Variants in TXNDC11 observed in about 807,000 individuals in gnomAD.
TXNDC11 encodes thioredoxin domain-containing protein 11.
TXNDC11 carries 68 observed loss-of-function variants against 78.0 expected under a neutral mutation model. The ratio of observed to expected loss-of-function variants is 0.87; its 90% confidence interval spans 0.72 to 1.07. The LOEUF (loss-of-function observed/expected upper bound fraction) is 1.07, where lower values mean the gene tolerates loss of function less well. Among genes scored for constraint, TXNDC11 ranks in the 50% least tolerant of loss-of-function variants. TXNDC11 has a pLI of 0.00. For missense variants in TXNDC11, 1,389 were observed against 1,221.8 expected (o/e 1.14, Z -2.04); for synonymous variants, 571 against 495.2 (o/e 1.15, Z -2.03).
intron 10 of TXNDC11, among the ~76,000 whole-genome samples, chr16:11,686,404 G>T (rs563333082): frequency 6.6e-6 from 1 of 152,202 alleles, no homozygotes; most frequent in Non-Finnish European, 1.5e-5. Context: ...CCTGGTGGAT[G>T]TAAACAATGC....
At chr16:11,710,777 T>C (rs771946931) in intron 5 of TXNDC11, among the ~76,000 whole-genome samples, 4 of 152,210 alleles carry the variant, frequency 2.6e-5, no homozygotes, top group Non-Finnish European at 5.9e-5. Context: ...ACTGTGCCAC[T>C]GCACTCTAGC....
At chr16:11,690,048 G>C (rs1222555730) in intron 8 of TXNDC11, 2 of 152,134 alleles carry the variant, frequency 1.3e-5, no homozygotes, top group Admixed American at 6.6e-5. Context: ...ATTTGAAAGA[G>C]GATGGCTAAA....
At chr16:11,705,991 G>C (rs906961808) in intron 5 of TXNDC11, among the ~76,000 whole-genome samples, 2 of 152,048 alleles carry the variant, frequency 1.3e-5, no homozygotes, top group African/African-American at 4.8e-5. Context: ...TAAAAGTAAT[G>C]AATTTTCAAT....
intron 3 of TXNDC11, among the ~76,000 whole-genome samples, chr16:11,733,483 C>T (rs894897526): frequency 6.6e-5 from 10 of 151,338 alleles, no homozygotes; most frequent in South Asian, 2.1e-4. Context: ...GCGGAGATCG[C>T]GCCACTGCAC....
intron 2 of TXNDC11, 79 bp downstream of exon 2, chr16:11,735,938 A>G (rs1270129540): frequency 1.4e-6 from 2 of 1,420,180 alleles, no homozygotes; most frequent in Non-Finnish European, 2.0e-6. Context: ...CCCGTTGGGC[A>G]AGGTGTCTCT....
chr16:11,729,000 AAATCAATC>A (rs57984104), intron 4 of TXNDC11, among the ~76,000 whole-genome samples: 46 of 151,918 alleles, frequency 3.0e-4, no homozygotes, highest in African/African-American at 9.0e-4. Context: ...GACCATCTCT[AAATCAATC>A]AATCAATCAA....
rs888804037 is a variant in TXNDC11 at position 11,715,168 on chromosome 16, C to T, written c.793+6409G>A. On this transcript the variant is annotated intron_variant, in intron 5 of 11. Transcript: ENST00000283033. Reference sequence around the variant, plus strand: ...TCGAGAAGCTGAGGCAGGAGAATTGCTTGAACCCGGGAGGCGGAGGTTGCA... The same window carrying T: ...TCGAGAAGCTGAGGCAGGAGAATTGTTTGAACCCGGGAGGCGGAGGTTGCA... Among the ~76,000 whole-genome samples the T allele has an allele frequency of 3.7e-4, 57 of 152,136 alleles. 2 individuals carry two copies. Among genetic ancestry groups the T allele is most frequent in the Non-Finnish European group, 2.9e-5 (2 of 68,020 alleles).
chr16:11,682,384 G>T (rs1164328251), intron 11 of TXNDC11, among the ~76,000 whole-genome samples: 2 of 152,234 alleles, frequency 1.3e-5, no homozygotes, highest in African/African-American at 2.4e-5. Context: ...GAAACGACAA[G>T]GGTAAGGGCC....
intron 5 of TXNDC11, among the ~76,000 whole-genome samples, chr16:11,717,746 C>T (rs1471237259): frequency 2.6e-5 from 4 of 151,022 alleles, no homozygotes; most frequent in South Asian, 2.1e-4. Context: ...ACCTGAACCT[C>T]GGAGGCAGAG....
intron 11 of TXNDC11, among the ~76,000 whole-genome samples, chr16:11,683,524 G>C (rs1175395339): frequency 1.3e-5 from 2 of 152,108 alleles, no homozygotes; most frequent in African/African-American, 2.4e-5. Context: ...ATTCTCTGCT[G>C]TTTTGCCCCA....
At chr16:11,710,617 A>T (rs889353808) in intron 5 of TXNDC11, among the ~76,000 whole-genome samples, 4 of 152,218 alleles carry the variant, frequency 2.6e-5, no homozygotes, top group African/African-American at 7.2e-5. Flanking sequence ...TGGGAGGCCA[A>T]GGTGGGTGGA....
At chr16:11,717,727 A>T (rs923242023) in intron 5 of TXNDC11, among the ~76,000 whole-genome samples, 1 of 151,100 alleles carries the variant, frequency 6.6e-6, no homozygotes, top group Non-Finnish European at 1.5e-5. Context: ...AGGCTGAGGC[A>T]GGAGAATCAC....
chr16:11,721,510 C>T (rs1389463024), intron 5 of TXNDC11, 67 bp downstream of exon 5: 3 of 808,348 alleles, frequency 3.7e-6, no homozygotes, highest in Non-Finnish European at 6.1e-6. Context: ...TTCATAATAA[C>T]ACATGGAAAA....
intron 5 of TXNDC11, among the ~76,000 whole-genome samples, chr16:11,703,509 T>TACACACACACAC (rs34963301): frequency 4.1e-5 from 6 of 144,938 alleles, no homozygotes; most frequent in Non-Finnish European, 3.0e-5. Context: ...AGGCTTTTGA[T>TACACACACACAC]ACACACACAC....
At chr16:11,696,623 C>T (rs1177524141) in intron 7 of TXNDC11, among the ~76,000 whole-genome samples, 2 of 152,152 alleles carry the variant, frequency 1.3e-5, no homozygotes, top group East Asian at 1.9e-4. Context: ...ACCTCGTGTT[C>T]GGTCATCTCA....
chr16:11,684,014 G>A (rs910818000), intron 11 of TXNDC11, 151 bp downstream of exon 11: 2 of 541,866 alleles, frequency 3.7e-6, no homozygotes, highest in Non-Finnish European at 6.9e-6. Flanking sequence ...GCCTCCCAAA[G>A]TGCTGGGATT....
At chr16:11,723,333 C>G (rs2051769550) in intron 4 of TXNDC11, among the ~76,000 whole-genome samples, 1 of 151,382 alleles carries the variant, frequency 6.6e-6, no homozygotes, top group Non-Finnish European at 1.5e-5. Context: ...GCCTGTAATC[C>G]CAGCACTTTG....
At chr16:11,732,278 T>C (rs2052078256) in intron 3 of TXNDC11, among the ~76,000 whole-genome samples, 1 of 152,224 alleles carries the variant, frequency 6.6e-6, no homozygotes, top group Non-Finnish European at 1.5e-5. Flanking sequence ...CTTGATTCCA[T>C]GGAACTCTTC....
chr16:11,710,696 C>G (rs759094909), intron 5 of TXNDC11, among the ~76,000 whole-genome samples: 2 of 152,168 alleles, frequency 1.3e-5, no homozygotes, highest in Non-Finnish European at 2.9e-5. Flanking sequence ...CAAAAATTAA[C>G]TGGGTGTGAT....
Sources: allele counts gnomAD v4.1 joint callset (sites outside exome capture counted in the v4.1 genomes callset), GRCh38; gene constraint gnomAD v4.1.1; transcripts MANE v1.5; gene names NCBI Gene and HGNC (gene_info 2026-07-23, HGNC 2026-07-21).